The following SUMF1 variants were observed in gnomAD, a reference collection of about 807,000 sequenced individuals.
The protein encoded by SUMF1 is formylglycine-generating enzyme.
SUMF1 carries 48 observed loss-of-function variants against 47.6 expected under a neutral mutation model. That is an observed-to-expected ratio of 1.01 (90% CI 0.80 to 1.28). The LOEUF is 1.28. SUMF1 is among the 50% of genes most tolerant of loss of function. The pLI is 0.00. For missense variants in SUMF1, 571 were observed against 485.4 expected (o/e 1.18, Z -1.66); for synonymous variants, 230 against 192.1 (o/e 1.20, Z -1.63).
At chr3:4,169,328 G>A (rs946159742) in intron 8 of SUMF1, among the ~76,000 whole-genome samples, 2 of 152,114 alleles carry the variant, frequency 1.3e-5, no homozygotes, top group Non-Finnish European at 2.9e-5. Flanking sequence ...ATCAAATTAA[G>A]ATGAGGTCAT....
intron 8 of SUMF1, among the ~76,000 whole-genome samples, chr3:4,330,349 C>A (rs1699025297): frequency 6.6e-6 from 1 of 152,172 alleles, no homozygotes; most frequent in Non-Finnish European, 1.5e-5. Flanking sequence ...CCTGAGACTG[C>A]ATAATTTATA....
chr3:4,450,862 G>C (rs559061150), intron 2 of SUMF1, among the ~76,000 whole-genome samples: 1 of 152,166 alleles, frequency 6.6e-6, no homozygotes, highest in South Asian at 2.1e-4. Context: ...GGGAAAGAAT[G>C]TTGAGTTTTC....
chr3:4,259,557 A>C (rs2125021568), intron 8 of SUMF1, among the ~76,000 whole-genome samples: 1 of 152,118 alleles, frequency 6.6e-6, no homozygotes, highest in East Asian at 1.9e-4. Context: ...TTTGGTTTTT[A>C]TTTTTATTTT....
At chr3:4,092,062 C>T (rs542185573) in intron 8 of SUMF1, among the ~76,000 whole-genome samples, 3 of 152,110 alleles carry the variant, frequency 2.0e-5, no homozygotes, top group African/African-American at 7.2e-5. Context: ...GTATCCTGGC[C>T]AGCTGCTTCT....
intron 8 of SUMF1, among the ~76,000 whole-genome samples, chr3:4,295,142 G>C (rs961711133): frequency 6.6e-6 from 1 of 152,078 alleles, no homozygotes; most frequent in Non-Finnish European, 1.5e-5. Context: ...TTTGCATTTG[G>C]TTTTTCGTTT....
intron 8 of SUMF1, among the ~76,000 whole-genome samples, chr3:4,233,996 C>T (rs1461064168): frequency 1.3e-5 from 2 of 152,106 alleles, no homozygotes; most frequent in Non-Finnish European, 2.9e-5. Context: ...CCCATATGTA[C>T]TGAAGCAATG....
chr3:4,150,671 C>T (rs1694298383), intron 8 of SUMF1, among the ~76,000 whole-genome samples: 1 of 151,536 alleles, frequency 6.6e-6, no homozygotes, highest in Non-Finnish European at 1.5e-5. Flanking sequence ...AGGCATGAGC[C>T]ACTATGCCAG....
chr3:4,066,016 T>A (rs1450478878), intron 9 of SUMF1, among the ~76,000 whole-genome samples: 1 of 152,048 alleles, frequency 6.6e-6, no homozygotes, highest in Non-Finnish European at 1.5e-5. Flanking sequence ...TAAACACAAT[T>A]GGAACCAGAG....
intron 8 of SUMF1, among the ~76,000 whole-genome samples, chr3:4,108,097 A>G (rs886841981): frequency 6.6e-6 from 1 of 152,142 alleles, no homozygotes; most frequent in African/African-American, 2.4e-5. Context: ...GTTGCTATTC[A>G]TAAAGAGAGA....
Position 4,251,923 on chromosome 3 carries a change from T to G in SUMF1, c.1014+124407A>C, listed in dbSNP as rs956095911. ...TTTAGAGATAATGCTATTTCACACT[T>G]AACAGACCTACAGTAGTGTAAACAT... On this transcript the variant is annotated intron_variant and NMD_transcript_variant, in intron 8 of 12. Coordinates refer to the SUMF1 transcript ENST00000448413. Among the ~76,000 whole-genome samples the G allele has an allele frequency of 3.3e-5, 5 of 152,290 alleles. No homozygotes were observed. In the South Asian group the frequency reaches 6.2e-4, roughly 19 times the overall value.
At chr3:4,058,534 A>G (rs1368485985) in intron 9 of SUMF1, among the ~76,000 whole-genome samples, 1 of 152,176 alleles carries the variant, frequency 6.6e-6, no homozygotes, top group African/African-American at 2.4e-5. Context: ...AGAAGGGGGC[A>G]GGAACTCTGT....
intron 8 of SUMF1, among the ~76,000 whole-genome samples, chr3:4,084,195 T>A (rs1692624876): frequency 6.6e-6 from 1 of 152,104 alleles, no homozygotes; most frequent in African/African-American, 2.4e-5. Context: ...AATTCACAAC[T>A]CCCTGCTTCT....
intron 3 of SUMF1, among the ~76,000 whole-genome samples, chr3:4,441,842 G>A (rs1295097129): frequency 1.3e-5 from 2 of 152,192 alleles, no homozygotes; most frequent in Non-Finnish European, 1.5e-5. Context: ...GATGGCAACA[G>A]CATCAGCAAA....
At chr3:4,256,648 C>T (rs1696960349) in intron 8 of SUMF1, among the ~76,000 whole-genome samples, 1 of 151,704 alleles carries the variant, frequency 6.6e-6, no homozygotes, top group Non-Finnish European at 1.5e-5. Context: ...AAATAGAGTC[C>T]AGGACCAGAT....
intron 8 of SUMF1, among the ~76,000 whole-genome samples, chr3:4,264,954 T>A (rs1356341618): frequency 6.6e-6 from 1 of 152,002 alleles, no homozygotes; most frequent in Non-Finnish European, 1.5e-5. Context: ...GCCAACATTG[T>A]GAGACCCTAT....
At chr3:4,436,346 C>G (rs1160215916) in intron 3 of SUMF1, among the ~76,000 whole-genome samples, 2 of 151,840 alleles carry the variant, frequency 1.3e-5, no homozygotes, top group Non-Finnish European at 2.9e-5. Flanking sequence ...TATTGTAATC[C>G]TTAGAGCTAC....
chr3:4,261,161 G>T (rs183028325), intron 8 of SUMF1, among the ~76,000 whole-genome samples: 12 of 152,274 alleles, frequency 7.9e-5, no homozygotes, highest in African/African-American at 2.4e-4. Flanking sequence ...CCCATCCAGT[G>T]ATCTTCCCAC....
At chr3:4,043,329 T>C (rs1481923731) in intron 9 of SUMF1, among the ~76,000 whole-genome samples, 1 of 152,164 alleles carries the variant, frequency 6.6e-6, no homozygotes, top group Admixed American at 6.5e-5. Context: ...CTTTAAATTG[T>C]ATATCTTTAA....
At chr3:4,416,950 T>C (rs1441551465) in intron 6 of SUMF1, among the ~76,000 whole-genome samples, 178 bp downstream of exon 6, 1 of 152,160 alleles carries the variant, frequency 6.6e-6, no homozygotes, top group Non-Finnish European at 1.5e-5. Flanking sequence ...GAAAGGGAAA[T>C]CCATTATACA....
Sources: gnomAD v4.1 joint callset for allele counts (sites outside exome capture counted in the v4.1 genomes callset) on GRCh38, gnomAD v4.1.1 for gene constraint, MANE v1.5 for transcripts, NCBI Gene and HGNC (gene_info 2026-07-23, HGNC 2026-07-21) for gene names.